CHMP3: variants seen among roughly 807,000 people sequenced by gnomAD.
CHMP3 encodes charged multivesicular body protein 3.
In CHMP3, 8 loss-of-function variants were observed where a neutral mutation model predicts 27.4. The observed-to-expected ratio is 0.29, with a 90% CI of 0.17 to 0.53. The LOEUF (loss-of-function observed/expected upper bound fraction) is 0.53. CHMP3 is among the 20% of genes least tolerant of loss of function. The probability of loss-of-function intolerance (pLI) is 0.96; values close to 1 mark genes in which losing one functional copy is unlikely to be tolerated. For missense variants in CHMP3, 208 were observed against 271.5 expected (o/e 0.77, Z 1.64); for synonymous variants, 86 against 85.5 (o/e 1.01, Z -0.03).
At chr2:86,528,844 C>A (rs1304638438) in intron 3 of CHMP3, among the ~76,000 whole-genome samples, 1 of 152,138 alleles carries the variant, frequency 6.6e-6, no homozygotes, top group Non-Finnish European at 1.5e-5. Context: ...GCCCCACAGC[C>A]TGTTGTAACA....
In CHMP3 at chr2:86,505,544, G is replaced by A. The variant is rs142608982; in HGVS notation, c.*260C>T. 9.9e-4 allele frequency: 357 copies of A among 360,160 alleles called. No individual in the cohort carries two copies. The highest frequency in any genetic ancestry group is 6.7e-3 in the African/African-American group (321 of 47,982). The allele number at this position is 360,160 out of a possible 1,614,324, so 22.3% of individuals were successfully genotyped here. On this transcript the variant is annotated 3_prime_UTR_variant, in exon 6 of 6. Coordinates refer to ENST00000263856, the MANE Select transcript of CHMP3 (RefSeq NM_016079.4). ...CAGGCAATCACCTATATTTTCAGAAGTGCTTCATGAGCAGATGGATTTCTT... is the reference window on the plus strand; with the variant it reads ...CAGGCAATCACCTATATTTTCAGAAATGCTTCATGAGCAGATGGATTTCTT...
At chr2:86,523,046 T>C (rs948088595) in intron 3 of CHMP3, among the ~76,000 whole-genome samples, 9 of 152,242 alleles carry the variant, frequency 5.9e-5, no homozygotes, top group African/African-American at 2.2e-4. Flanking sequence ...TTTATCTGCA[T>C]TGCTACAGCA....
chr2:86,512,732 C>A (rs1675150727), intron 3 of CHMP3, among the ~76,000 whole-genome samples: 1 of 152,186 alleles, frequency 6.6e-6, no homozygotes, highest in African/African-American at 2.4e-5. Flanking sequence ...AGATAACTCA[C>A]CAACATGATA....
intron 4 of CHMP3, among the ~76,000 whole-genome samples, chr2:86,508,106 G>T (rs1290643602): frequency 2.6e-5 from 4 of 152,112 alleles, no homozygotes; most frequent in African/African-American, 9.7e-5. Context: ...GCCAGAATGG[G>T]GTAATCTGGT....
At chr2:86,506,083 G>A (rs1341100049) in intron 5 of CHMP3, 134 bp from the exon 6 acceptor site, 4 of 1,075,240 alleles carry the variant, frequency 3.7e-6, no homozygotes, top group Non-Finnish European at 4.8e-6. Context: ...TTTTGGGGGG[G>A]TTTACTCACT....
intron 1 of CHMP3, among the ~76,000 whole-genome samples, chr2:86,552,557 C>A (rs1054180864): frequency 1.3e-5 from 2 of 152,142 alleles, no homozygotes; most frequent in African/African-American, 2.4e-5. Flanking sequence ...TCACATGGTG[C>A]TAAAATATCA....
intron 1 of CHMP3, among the ~76,000 whole-genome samples, chr2:86,559,742 C>A (rs1677272958): frequency 6.6e-6 from 1 of 152,164 alleles, no homozygotes; most frequent in Admixed American, 6.5e-5. Context: ...GTATCTCCAG[C>A]ACCAGATAAA....
At chr2:86,542,486 A>C (rs974853460) in intron 1 of CHMP3, among the ~76,000 whole-genome samples, 174 bp from the exon 2 acceptor site, 1 of 152,210 alleles carries the variant, frequency 6.6e-6, no homozygotes, top group Non-Finnish European at 1.5e-5. Flanking sequence ...ACCTCTTTTT[A>C]TTCACAGTGC....
At chr2:86,550,008 T>C (rs1455155656) in intron 1 of CHMP3, among the ~76,000 whole-genome samples, 2 of 152,114 alleles carry the variant, frequency 1.3e-5, no homozygotes, top group African/African-American at 2.4e-5. Context: ...TCTTAGCACT[T>C]TGGGAGGCCA....
Position 86,563,426 on chromosome 2 carries a change from G to A in CHMP3, c.-78C>T. On this transcript the variant is annotated 5_prime_UTR_variant, in exon 1 of 6. Coordinates refer to ENST00000263856, the MANE Select transcript of CHMP3 (RefSeq NM_016079.4). Reference sequence around the variant, plus strand: ...CAGGTCACGGGCAGCCGCCTGGGCGGGGCCCGCGGAAAAGGAGGTAGTCCC... The same window carrying A: ...CAGGTCACGGGCAGCCGCCTGGGCGAGGCCCGCGGAAAAGGAGGTAGTCCC... The A allele has an allele frequency of 1.4e-5, 22 of 1,575,280 alleles. No individual in the cohort carries two copies. In the South Asian group the frequency reaches 1.8e-4, roughly 13 times the overall value.
At chr2:86,549,490 G>T (rs367580271) in intron 1 of CHMP3, among the ~76,000 whole-genome samples, 2 of 142,890 alleles carry the variant, frequency 1.4e-5, no homozygotes, top group Non-Finnish European at 3.1e-5. Flanking sequence ...CAGACGGGGC[G>T]GCCGGGCAGA....
At chr2:86,560,952 C>A (rs1677334222) in intron 1 of CHMP3, among the ~76,000 whole-genome samples, 2 of 152,128 alleles carry the variant, frequency 1.3e-5, no homozygotes. Context: ...TAGTGCTAAA[C>A]CACTCATGGG....
chr2:86,550,113 C>T (rs966476031), intron 1 of CHMP3, among the ~76,000 whole-genome samples: 2 of 152,186 alleles, frequency 1.3e-5, no homozygotes, highest in South Asian at 2.1e-4. Context: ...AGTGAGACTC[C>T]GTCTGCAATC....
intron 1 of CHMP3, among the ~76,000 whole-genome samples, chr2:86,556,339 C>A (rs546235600): frequency 8.9e-4 from 136 of 152,252 alleles, no homozygotes; most frequent in African/African-American, 3.3e-3. Flanking sequence ...TACAAGTGAC[C>A]TTAGATCAAA....
chr2:86,528,970 A>G (rs947147809), intron 3 of CHMP3, among the ~76,000 whole-genome samples: 1 of 152,248 alleles, frequency 6.6e-6, no homozygotes, highest in Non-Finnish European at 1.5e-5. Context: ...AGGCCACGTG[A>G]TAACACTGTT....
intron 3 of CHMP3, among the ~76,000 whole-genome samples, chr2:86,519,365 CA>C (rs35255775): frequency 1.3e-3 from 145 of 111,078 alleles, no homozygotes; most frequent in Admixed American, 1.3e-3. Context: ...AACTTCATCT[CA>C]AAAAAAAAAA....
chr2:86,553,038 TGGGGGA>T (rs1676971957), intron 1 of CHMP3, among the ~76,000 whole-genome samples: 3 of 117,310 alleles, frequency 2.6e-5, no homozygotes, highest in African/African-American at 6.8e-5. Context: ...GGCAGCTTGA[TGGGGGA>T]TGGTGGGGGA....
At chr2:86,563,244 C>A in intron 1 of CHMP3, 60 bp downstream of exon 1, 1 of 1,589,986 alleles carries the variant, frequency 6.3e-7, no homozygotes, top group Non-Finnish European at 8.6e-7. Context: ...CTGTCATTTA[C>A]CAACTTCACT....
At chr2:86,528,566 A>C (rs1675800320) in intron 3 of CHMP3, among the ~76,000 whole-genome samples, 1 of 152,222 alleles carries the variant, frequency 6.6e-6, no homozygotes. Flanking sequence ...CCATTACCAA[A>C]GAACTATAGT....
Sources: allele counts gnomAD v4.1 joint callset (sites outside exome capture counted in the v4.1 genomes callset), GRCh38; gene constraint gnomAD v4.1.1; transcripts MANE v1.5; gene names NCBI Gene and HGNC (gene_info 2026-07-23, HGNC 2026-07-21).